Variants in SLX4 observed in about 807,000 individuals in gnomAD.
SLX4 encodes the protein SLX4 structure-specific endonuclease subunit.
In SLX4, 112 loss-of-function variants were observed where a neutral mutation model predicts 146.2. That is an observed-to-expected ratio of 0.77 (90% confidence interval 0.66 to 0.90). The LOEUF (loss-of-function observed/expected upper bound fraction) is 0.90. Ranked by LOEUF, SLX4 falls within the 40% of genes least tolerant of loss-of-function variation. The pLI is 0.00. For synonymous variants in SLX4, 1,061 were observed against 997.7 expected, an observed-to-expected ratio of 1.06 and a Z score of -1.20; for missense variants, 2,563 against 2,392.7, an observed-to-expected ratio of 1.07 and a Z score of -1.49.
chr16:3,590,609 G>C lies in SLX4; in HGVS notation c.3029C>G (p.Ala1010Gly), dbSNP rs371498017. Residue 1010 changes from alanine (A) to glycine (G), a missense_variant, in exon 12 of 15, where the codon GCT (alanine) becomes GGT (glycine). Physicochemically the swap from Ala to Gly is moderately conservative, Grantham distance 60 (BLOSUM62 0). Transcript: ENST00000294008. This position sits in a 1 kb window ranked among gnomAD's most constrained non-coding sequence, Gnocchi z 4.8. Reference protein sequence around the residue: ...ITSEPEEQSGAVRERGLEVSH... With the variant: ...ITSEPEEQSGGVRERGLEVSH... The stretch of plus-strand genomic sequence containing the variant: ...AACCTCCAGCCCCCTTTCCCTGACA[G>C]CGCCACTTTGTTCCTCGGGCTCACT... The C allele has an allele frequency of 1.2e-6, 2 of 1,613,878 alleles. No homozygotes were observed. Among genetic ancestry groups the C allele is most frequent in the African/African-American group, 2.7e-5 (2 of 74,944 alleles).
At chr16:3,593,148 G>A (rs569507279) in intron 10 of SLX4, among the ~76,000 whole-genome samples, 1 of 151,620 alleles carries the variant, frequency 6.6e-6, no homozygotes, top group East Asian at 1.9e-4. Context: ...TCGGCTCACT[G>A]CAACCTCCAC....
Position 3,609,018 on chromosome 16 carries a change from C to G in SLX4, c.-54G>C. On this transcript the variant is annotated 5_prime_UTR_variant, in exon 2 of 15. Coordinates refer to ENST00000294008, the MANE Select transcript of SLX4 (RefSeq NM_032444.4). ...TACTTGGAGAGTTTGCACAATTGAA[C>G]AAAAAGTACTGTTTTCCTCTCTATA... 1 of 1,577,808 alleles carries G rather than the reference C, an allele frequency of 6.3e-7. No homozygotes were observed. Among genetic ancestry groups the G allele is most frequent in the Non-Finnish European group, 8.6e-7 (1 of 1,160,726 alleles).
In SLX4 at chr16:3,589,249, G is replaced by A. The variant is rs2151121380; in HGVS notation, c.4389C>T (p.Asp1463=). The part of the protein sequence containing the change: ...SPSRRMNEAA[D]SRDCRSPGLL... ...GTCCCGGGGAGCGACAGTCACGGCT[G>A]TCGGCGGCCTCGTTCATCCTGCGGC... The change falls in exon 12 of 15, where the codon GAC becomes GAT. Residue 1463 remains aspartate, a synonymous_variant. Coordinates refer to ENST00000294008, the MANE Select transcript of SLX4 (RefSeq NM_032444.4). This position sits in a 1 kb window ranked among gnomAD's most constrained non-coding sequence, Gnocchi z 6.2. 1 of 1,606,730 alleles carries A rather than the reference G, an allele frequency of 6.2e-7. No individual in the cohort carries two copies. Among genetic ancestry groups the A allele is most frequent in the Non-Finnish European group, 8.5e-7 (1 of 1,174,890 alleles).
rs1398213156 is a variant in SLX4, at chr16:3,589,888, G to A, written c.3750C>T (p.Thr1250=). The change falls in exon 12 of 15, where the codon ACC becomes ACT. Residue 1250 remains threonine, a synonymous_variant. Transcript: ENST00000294008. The surrounding 1 kb of genome is among the most constrained non-coding windows in gnomAD (Gnocchi z 6.2). The stretch of plus-strand genomic sequence containing the variant: ...CGGGCACCAGCCACGAGGTGTCTGT[G>A]GTGCTGGCCTCGCTGGGGCTGCTCT... ...DRESSPSEAS[T]TDTSWLVPAT... The A allele has an allele frequency of 6.2e-7, 1 of 1,613,716 alleles. No individual in the cohort carries two copies. Among genetic ancestry groups the A allele is most frequent in the Non-Finnish European group, 8.5e-7 (1 of 1,180,024 alleles).
At position 3,582,636 on chromosome 16, in the gene SLX4, C is replaced by G. The variant is rs1365924781; in HGVS notation, c.5211G>C (p.Glu1737Asp). ...AFESAGEEEGEGEVSASQAAV... is the reference protein window; with the variant it reads ...AFESAGEEEGDGEVSASQAAV... ...CTGCCTGCGAGGCACTGACCTCCCCCTCGCCCTCCTCTTCACCTGCAGACT... is the reference window on the plus strand; with the variant it reads ...CTGCCTGCGAGGCACTGACCTCCCCGTCGCCCTCCTCTTCACCTGCAGACT... Residue 1737 changes from glutamate to aspartate, a missense_variant, in exon 15 of 15, where the codon GAG becomes GAC. Glu to Asp is a conservative substitution (Grantham distance 45). Transcript: ENST00000294008. 39 of 1,613,370 alleles carry G rather than the reference C, an allele frequency of 2.4e-5. No individual in the cohort carries two copies. The highest frequency in any genetic ancestry group is 3.0e-5 in the Non-Finnish European group (35 of 1,180,032).
chr16:3,596,038 C>A, intron 8 of SLX4, 115 bp downstream of exon 8: 1 of 1,430,188 alleles, frequency 7.0e-7, no homozygotes, highest in Non-Finnish European at 9.2e-7. Flanking sequence ...TGTTCTCCCA[C>A]CAGGTCAGAG....
intron 5 of SLX4, among the ~76,000 whole-genome samples, chr16:3,599,780 C>G (rs2040706299): frequency 6.6e-6 from 1 of 152,032 alleles, no homozygotes; most frequent in Non-Finnish European, 1.5e-5. Flanking sequence ...AGTGATGGGT[C>G]TTGCTATGTA....
chr16:3,596,731 G>A (rs2040664164), intron 7 of SLX4, among the ~76,000 whole-genome samples: 1 of 152,160 alleles, frequency 6.6e-6, no homozygotes, highest in Admixed American at 6.5e-5. Flanking sequence ...CTGACTGTAG[G>A]GCTACCTGCC....
chr16:3,599,730 G>T (rs2040705782), intron 5 of SLX4, among the ~76,000 whole-genome samples: 1 of 152,152 alleles, frequency 6.6e-6, no homozygotes, highest in African/African-American at 2.4e-5. Context: ...GGGACTACAG[G>T]TGTGCAGCAC....
intron 8 of SLX4, 88 bp from the exon 9 acceptor site, chr16:3,595,781 G>A: frequency 6.8e-7 from 1 of 1,476,670 alleles, no homozygotes. Flanking sequence ...GGCTGAGCCA[G>A]CCCCTGCGGT....
chr16:3,592,999 AC>A, intron 10 of SLX4, 134 bp from the exon 11 acceptor site: 1 of 879,922 alleles, frequency 1.1e-6, no homozygotes, highest in Non-Finnish European at 1.7e-6. Context: ...TCCCCTTGTC[AC>A]CCAGGCTAGA....
intron 3 of SLX4, among the ~76,000 whole-genome samples, chr16:3,606,252 GA>G (rs548268696): frequency 1.1e-4 from 17 of 149,348 alleles, no homozygotes; most frequent in African/African-American, 3.9e-4. Context: ...CTCTGTCTCA[GA>G]AAAAAAAACA....
At chr16:3,582,787 C>G in intron 14 of SLX4, 94 bp from the exon 15 acceptor site, 1 of 1,185,808 alleles carries the variant, frequency 8.4e-7, no homozygotes, top group South Asian at 1.3e-5. Flanking sequence ...GTCTACGGGT[C>G]CCATGGAGCC....
At position 3,606,535 on chromosome 16, in the gene SLX4, G is replaced by A. The variant is rs1477450912; in HGVS notation, c.699C>T (p.Leu233=). The A allele has an allele frequency of 3.1e-6, 5 of 1,614,156 alleles. No individual in the cohort carries two copies. Among genetic ancestry groups the A allele is most frequent in the East Asian group, 2.2e-5 (1 of 44,886 alleles). Residue 233 remains leucine, a synonymous_variant, in exon 3 of 15, where the codon CTC becomes CTT. Coordinates refer to ENST00000294008, the MANE Select transcript of SLX4 (RefSeq NM_032444.4). ...RLRHASEECS[L]EAAREENVPK... is the part of the protein sequence containing the mutation. ...GGACATTTTCTTCCCGCGCAGCCTC[G>A]AGGGAGCACTCTTCTGAAGCGTGTC... is the stretch of plus-strand genomic sequence containing the variant.
intron 8 of SLX4, 90 bp from the exon 9 acceptor site, chr16:3,595,783 C>T: frequency 6.9e-7 from 1 of 1,445,658 alleles, no homozygotes; most frequent in Non-Finnish European, 9.6e-7. Flanking sequence ...CTGAGCCAGC[C>T]CCTGCGGTGC....
intron 14 of SLX4, 54 bp from the exon 15 acceptor site, chr16:3,582,747 G>C (rs927752073): frequency 6.7e-7 from 1 of 1,489,906 alleles, no homozygotes; most frequent in South Asian, 1.2e-5. Flanking sequence ...CAGCCCCTGA[G>C]ACCATGAGCC....
rs530958993 is a variant in SLX4, at chr16:3,581,651, G to C, written c.*691C>G. ...GGGCAGCTGTGCCCAGGACTGGTGG[G>C]CTCAGAGGGTGGCAAATGTGGCAGA... is the stretch of plus-strand genomic sequence containing the variant. On this transcript the variant is annotated 3_prime_UTR_variant, in exon 15 of 15. Transcript: ENST00000294008. 6.5e-6 allele frequency: 1 copy of C among 154,926 alleles called. No homozygotes were observed. Among genetic ancestry groups the C allele is most frequent in the Non-Finnish European group, 1.4e-5 (1 of 69,724 alleles). The allele number at this position is 154,926 out of a possible 1,614,324, so 9.6% of individuals were successfully genotyped here. A position where few individuals can be genotyped will look rare whatever the true frequency, so the allele number is the denominator to read the frequency against.
At chr16:3,595,092 A>T (rs1334754411) in intron 9 of SLX4, among the ~76,000 whole-genome samples, 1 of 152,132 alleles carries the variant, frequency 6.6e-6, no homozygotes, top group Non-Finnish European at 1.5e-5. Context: ...AAATGGGAGG[A>T]GGTCCACTCT....
At chr16:3,599,936 A>G (rs948602150) in intron 5 of SLX4, among the ~76,000 whole-genome samples, 7 of 152,210 alleles carry the variant, frequency 4.6e-5, no homozygotes, top group African/African-American at 1.2e-4. Context: ...AACAGTGTGA[A>G]AACTGGACTG....
Sources: gnomAD v4.1 joint callset for allele counts (sites outside exome capture counted in the v4.1 genomes callset) on GRCh38, gnomAD v4.1.1 for gene constraint, Gnocchi (gnomAD v3.1) non-coding constraint, MANE v1.5 for transcripts, NCBI Gene and HGNC (gene_info 2026-07-23, HGNC 2026-07-21) for gene names.